AJAP1: variants seen among roughly 807,000 people sequenced by gnomAD.
The protein encoded by AJAP1 is adherens junction-associated protein 1.
AJAP1 carries 5 observed loss-of-function variants against 35.0 expected under a neutral mutation model. That is an observed-to-expected ratio of 0.14 (90% CI 0.07 to 0.30). The LOEUF (loss-of-function observed/expected upper bound fraction) is 0.30, where lower values mean the gene tolerates loss of function less well. AJAP1 is among the 10% of genes least tolerant of loss of function. The pLI, the probability that AJAP1 is intolerant of heterozygous loss-of-function variation, is 1.00. For missense variants in AJAP1, 586 were observed against 571.0 expected (o/e 1.03, Z -0.27); for synonymous variants, 284 against 249.3 (o/e 1.14, Z -1.31).
At chr1:4,714,923 A>G (rs1357963504) in intron 2 of AJAP1, among the ~76,000 whole-genome samples, 2 of 152,188 alleles carry the variant, frequency 1.3e-5, no homozygotes, top group Non-Finnish European at 2.9e-5. Flanking sequence ...AGCAGGAACA[A>G]TTTAGGTTAC....
chr1:4,729,426 G>A (rs1444301390), intron 2 of AJAP1, among the ~76,000 whole-genome samples: 3 of 152,314 alleles, frequency 2.0e-5, no homozygotes, highest in South Asian at 2.1e-4. Flanking sequence ...CTAGGTTTTC[G>A]GCTCCTGGCC....
At chr1:4,674,988 G>A (rs1639332837) in intron 1 of AJAP1, among the ~76,000 whole-genome samples, 1 of 152,230 alleles carries the variant, frequency 6.6e-6, no homozygotes, top group African/African-American at 2.4e-5. Flanking sequence ...TGGCTGAACC[G>A]TCGTCCTGCA....
At chr1:4,779,490 C>T (rs1215721003) in intron 5 of AJAP1, among the ~76,000 whole-genome samples, 2 of 152,190 alleles carry the variant, frequency 1.3e-5, no homozygotes, top group Non-Finnish European at 2.9e-5. Flanking sequence ...GGGAACACCT[C>T]CGGAGCACAG....
intron 2 of AJAP1, among the ~76,000 whole-genome samples, chr1:4,744,574 A>G (rs1371126288): frequency 6.6e-6 from 1 of 151,822 alleles, no homozygotes; most frequent in African/African-American, 2.4e-5. Context: ...AGCTGTGTGC[A>G]CACAACATGA....
At chr1:4,682,354 C>A (rs1361200221) in intron 1 of AJAP1, among the ~76,000 whole-genome samples, 1 of 152,334 alleles carries the variant, frequency 6.6e-6, no homozygotes, top group South Asian at 2.1e-4. Context: ...GGCCACCTTC[C>A]CCTATGCATC....
chr1:4,785,735 A>C lies in AJAP1; in HGVS notation c.*3250A>C, dbSNP rs1459850507. 1 of 151,870 alleles carries C rather than the reference A, an allele frequency of 6.6e-6. No individual in the cohort carries two copies. The highest frequency in any genetic ancestry group is 1.5e-5 in the Non-Finnish European group (1 of 67,974). The allele number at this position is 151,870 out of a possible 1,614,324, so 9.4% of individuals were successfully genotyped here. On this transcript the variant is annotated 3_prime_UTR_variant, in exon 6 of 6. Transcript: ENST00000378191. ...TAATAGTAGACACCTCCCATCCCCC[A>C]CCCAAGGCCTGGTCCTTTCCTTTGC...
At chr1:4,740,785 C>CAAAAAAA (rs34897087) in intron 2 of AJAP1, among the ~76,000 whole-genome samples, 9 of 66,974 alleles carry the variant, frequency 1.3e-4, no homozygotes, top group African/African-American at 3.2e-4. Flanking sequence ...GACTCCGTCT[C>CAAAAAAA]AAAAAAAAAA....
intron 2 of AJAP1, among the ~76,000 whole-genome samples, chr1:4,750,163 C>T (rs1257606594): frequency 6.6e-6 from 1 of 151,474 alleles, no homozygotes; most frequent in African/African-American, 2.4e-5. Flanking sequence ...TGTCCCTGGC[C>T]ATGTGTTTGT....
In AJAP1 at chr1:4,723,431, G is replaced by A. The variant is rs538096017; in HGVS notation, c.829+10732G>A. On this transcript the variant is annotated intron_variant, in intron 2 of 5. Coordinates refer to ENST00000378191, the MANE Select transcript of AJAP1 (RefSeq NM_018836.4). This position sits in a 1 kb window ranked among gnomAD's most constrained non-coding sequence, Gnocchi z 4.3. ...ACAGTGGGGACCACTTGGACAGAGCGGGGACTGCAAGAGGGGAGAATGAAG... is the reference window on the plus strand; with the variant it reads ...ACAGTGGGGACCACTTGGACAGAGCAGGGACTGCAAGAGGGGAGAATGAAG... Among the ~76,000 whole-genome samples the A allele has an allele frequency of 1.3e-5, 2 of 152,304 alleles. No individual in the cohort carries two copies. Among genetic ancestry groups the A allele is most frequent in the Admixed American group, 6.5e-5 (1 of 15,294 alleles).
At chr1:4,772,186 C>T in intron 3 of AJAP1, 94 bp from the exon 4 acceptor site, 1 of 1,533,332 alleles carries the variant, frequency 6.5e-7, no homozygotes, top group Admixed American at 1.7e-5. Flanking sequence ...TAGCTCACGC[C>T]TGCAAGCGAA....
Position 4,656,072 on chromosome 1 carries a change from G to C in AJAP1, c.29+618G>C, listed in dbSNP as rs1193130596. Among the ~76,000 whole-genome samples, 1 of 151,968 alleles carries C rather than the reference G, an allele frequency of 6.6e-6. No homozygotes were observed. On this transcript the variant is annotated intron_variant, in intron 1 of 5. Coordinates refer to ENST00000378191, the MANE Select transcript of AJAP1 (RefSeq NM_018836.4). The surrounding 1 kb of genome is among the most constrained non-coding windows in gnomAD (Gnocchi z 5.7). ...GCGGGCAGCTGGGGCGGGAGAGCTGGGGTTCTTGGGGAGCTCCGGCGGCCA... is the reference window on the plus strand; with the variant it reads ...GCGGGCAGCTGGGGCGGGAGAGCTGCGGTTCTTGGGGAGCTCCGGCGGCCA...
Position 4,772,509 on chromosome 1 carries a change from A to C in AJAP1, c.1147A>C (p.Thr383Pro), listed in dbSNP as rs200738408. ...CTCGACGACGGGGGAGTACAAATCC[A>C]CATTTAATGGAAACCGGTAAGCTCG... is the stretch of plus-strand genomic sequence containing the variant. ...LHSTTGEYKS[T>P]FNGNRPSSSD... Residue 383 changes from threonine (T) to proline (P), a missense_variant, in exon 4 of 6, where the codon ACA (threonine) becomes CCA (proline). Transcript: ENST00000378191. 92 of 1,613,888 alleles carry C rather than the reference A, an allele frequency of 5.7e-5. No homozygotes were observed. Among genetic ancestry groups the C allele is most frequent in the Non-Finnish European group, 5.7e-5 (67 of 1,179,942 alleles).
Position 4,787,497 on chromosome 1 carries a change from T to C in AJAP1, c.*5012T>C. On this transcript the variant is annotated 3_prime_UTR_variant, in exon 6 of 6. Coordinates refer to ENST00000378191, the MANE Select transcript of AJAP1 (RefSeq NM_018836.4). The stretch of plus-strand genomic sequence containing the variant: ...AGGAAGAAGGCCTTAGTCTTAGCTC[T>C]TGGATAAAATGCAGTGCAGCACTGA... The C allele has an allele frequency of 3.0e-6, 1 of 328,394 alleles. No individual in the cohort carries two copies. The highest frequency in any genetic ancestry group is 6.1e-6 in the Non-Finnish European group (1 of 164,354). 20.3% of individuals were successfully genotyped at this position (328,394 alleles called of 1,614,324 possible).
intron 2 of AJAP1, among the ~76,000 whole-genome samples, chr1:4,740,561 A>G (rs80175335): frequency 3.3e-5 from 5 of 151,874 alleles, no homozygotes; most frequent in East Asian, 3.9e-4. Flanking sequence ...CGAGGCGGGC[A>G]GATCACAAGG....
chr1:4,716,069 A>G (rs1640382164), intron 2 of AJAP1, among the ~76,000 whole-genome samples: 2 of 152,254 alleles, frequency 1.3e-5, no homozygotes, highest in African/African-American at 2.4e-5. Flanking sequence ...TAGAAGGGAC[A>G]TATCATATTT....
At chr1:4,718,730 C>CT (rs1368661182) in intron 2 of AJAP1, among the ~76,000 whole-genome samples, 1 of 152,176 alleles carries the variant, frequency 6.6e-6, no homozygotes, top group African/African-American at 2.4e-5. Context: ...ATCCACCTGC[C>CT]TCAGCCTCCC....
chr1:4,679,235 C>A (rs1639424001), intron 1 of AJAP1, among the ~76,000 whole-genome samples: 1 of 152,160 alleles, frequency 6.6e-6, no homozygotes, highest in African/African-American at 2.4e-5. Flanking sequence ...ACCATGGGAT[C>A]CACTGTGCAC....
At chr1:4,676,986 G>A (rs1176700094) in intron 1 of AJAP1, among the ~76,000 whole-genome samples, 4 of 152,088 alleles carry the variant, frequency 2.6e-5, no homozygotes, top group South Asian at 4.2e-4. Context: ...GTGAAACCCC[G>A]TCTCTACTAA....
Position 4,712,536 on chromosome 1 carries a change from C to T in AJAP1, c.666C>T (p.Thr222=). 1 of 1,612,960 alleles carries T rather than the reference C, an allele frequency of 6.2e-7. No individual in the cohort carries two copies. The change falls in exon 2 of 6, where the codon ACC becomes ACT. Residue 222 remains threonine (T), a synonymous_variant. Coordinates refer to ENST00000378191, the MANE Select transcript of AJAP1 (RefSeq NM_018836.4). The stretch of plus-strand genomic sequence containing the variant: ...CAACTGTGGCCGCCACCACCACCAC[C>T]ACCACCACGGCCACCCCCATGACGC... ...RKTTVAATTT[T]TTTATPMTLQ...
Sources: gnomAD v4.1 joint callset for allele counts (sites outside exome capture counted in the v4.1 genomes callset) on GRCh38, gnomAD v4.1.1 for gene constraint, Gnocchi (gnomAD v3.1) non-coding constraint, MANE v1.5 for transcripts, NCBI Gene and HGNC (gene_info 2026-07-23, HGNC 2026-07-21) for gene names.